ABCC3: variants seen among roughly 807,000 people sequenced by gnomAD.
ABCC3 encodes ATP-binding cassette sub-family C member 3.
Under a neutral mutation model 165.3 loss-of-function variants are expected in ABCC3, and 121 were observed. The observed-to-expected ratio is 0.73, with a 90% confidence interval of 0.63 to 0.85. ABCC3 has a LOEUF of 0.85. ABCC3 is among the 40% of genes least tolerant of loss of function. The pLI, the probability that ABCC3 is intolerant of heterozygous loss-of-function variation, is 0.00. For missense variants in ABCC3, 1,869 were observed against 1,964.1 expected, an observed-to-expected ratio of 0.95 and a Z score of 0.92; for synonymous variants, 733 against 810.1, an observed-to-expected ratio of 0.90 and a Z score of 1.62.
chr17:50,649,510 T>C (rs1227852159), intron 1 of ABCC3, among the ~76,000 whole-genome samples: 1 of 151,730 alleles, frequency 6.6e-6, no homozygotes, highest in Non-Finnish European at 1.5e-5. Flanking sequence ...TTTGTTTACA[T>C]ATTGAATTAT....
At chr17:50,661,352 A>T (rs1442521703) in intron 8 of ABCC3, among the ~76,000 whole-genome samples, 1 of 152,236 alleles carries the variant, frequency 6.6e-6, no homozygotes, top group Non-Finnish European at 1.5e-5. Flanking sequence ...GTACGTTAAC[A>T]AGCATTGGGT....
At position 50,677,940 on chromosome 17, in the gene ABCC3, A is replaced by G. The variant is rs766103116; in HGVS notation, c.3575A>G (p.Asn1192Ser). 1.9e-6 allele frequency: 3 copies of G among 1,613,932 alleles called. No homozygotes were observed. Among genetic ancestry groups the G allele is most frequent in the Admixed American group, 1.7e-5 (1 of 59,980 alleles). Residue 1192 changes from asparagine (N) to serine (S), a missense_variant, in exon 24 of 31, where the codon AAC becomes AGC. Asn to Ser is a conservative substitution (Grantham distance 46). Coordinates refer to ENST00000285238, the MANE Select transcript of ABCC3 (RefSeq NM_003786.4). ...QRSCYPYIIS[N>S]RWLSIGVEFV... ...AGCTGCTACCCCTACATCATCTCCA[A>G]CCGGTCAGAAGCCGCCTCCCTCGCT...
At chr17:50,648,130 A>G (rs1329801316) in intron 1 of ABCC3, among the ~76,000 whole-genome samples, 1 of 151,650 alleles carries the variant, frequency 6.6e-6, no homozygotes, top group Non-Finnish European at 1.5e-5. Flanking sequence ...CTGATTTTCC[A>G]TCAAAGTGAC....
chr17:50,672,362 G>C (rs1407388917), intron 17 of ABCC3, among the ~76,000 whole-genome samples: 2 of 152,210 alleles, frequency 1.3e-5, no homozygotes, highest in Non-Finnish European at 2.9e-5. Context: ...CTCCTTGTAA[G>C]GCTGAATGAT....
intron 1 of ABCC3, among the ~76,000 whole-genome samples, chr17:50,637,086 T>C (rs770593303): frequency 2.0e-5 from 3 of 152,162 alleles, no homozygotes; most frequent in Non-Finnish European, 4.4e-5. Flanking sequence ...GGATGCAGGC[T>C]CAGTGGGAGT....
intron 9 of ABCC3, 21 bp from the exon 10 acceptor site, chr17:50,663,929 C>G (rs1967461448): frequency 1.2e-6 from 2 of 1,614,090 alleles, no homozygotes; most frequent in Admixed American, 3.3e-5. Context: ...GCCAAGTCCA[C>G]CCACTACTGT....
chr17:50,683,924 A>T, intron 27 of ABCC3, 25 bp from the exon 28 acceptor site: 1 of 1,608,790 alleles, frequency 6.2e-7, no homozygotes, highest in Non-Finnish European at 8.5e-7. Flanking sequence ...CTTCCCCCTC[A>T]GAGCCCCTTC....
In ABCC3 at chr17:50,675,677, G is replaced by GT. The variant is rs753106177; in HGVS notation, c.2762dup (p.Pro922ThrfsTer77). ...AGATGGGGAGGGACAGGGTCGGCCT[G>GT]TACCCCGGAGGCACCTGGGTCCATC... On this transcript the variant is annotated frameshift_variant, in exon 21 of 31. Transcript: ENST00000285238. LOFTEE classifies it high-confidence loss of function. 6.4e-7 allele frequency: 1 copy of GT among 1,573,010 alleles called. No homozygotes were observed. The highest frequency in any genetic ancestry group is 1.3e-5 in the African/African-American group (1 of 74,198).
In ABCC3 at chr17:50,656,779, C is replaced by T; in HGVS notation, c.300C>T (p.Ala100=). Residue 100 remains alanine, a synonymous_variant, in exon 3 of 31, where the codon GCC becomes GCT. Transcript: ENST00000285238. ...TCCATGGCCTGGTCCATGGCCGGGCCCCTGCCCCTGTTTTCTTTGTCACCC... is the reference window on the plus strand; with the variant it reads ...TCCATGGCCTGGTCCATGGCCGGGCTCCTGCCCCTGTTTTCTTTGTCACCC... The part of the protein sequence containing the change: ...YSFHGLVHGR[A]PAPVFFVTPL... 1 of 1,613,922 alleles carries T rather than the reference C, an allele frequency of 6.2e-7. No homozygotes were observed. The highest frequency in any genetic ancestry group is 8.5e-7 in the Non-Finnish European group (1 of 1,179,936).
chr17:50,646,499 C>A (rs866693253), intron 1 of ABCC3, among the ~76,000 whole-genome samples: 5 of 152,158 alleles, frequency 3.3e-5, no homozygotes, highest in African/African-American at 1.2e-4. Flanking sequence ...ATAGATGGTA[C>A]ATCATATCAT....
chr17:50,668,775 C>T, intron 14 of ABCC3, 78 bp from the exon 15 acceptor site: 1 of 1,263,846 alleles, frequency 7.9e-7, no homozygotes, highest in South Asian at 1.2e-5. Context: ...TCCTCCTTTC[C>T]CCTGCCCCCC....
intron 30 of ABCC3, among the ~76,000 whole-genome samples, chr17:50,689,375 GTGTGGTGC>G (rs1407496470): frequency 6.6e-6 from 1 of 152,214 alleles, no homozygotes; most frequent in Non-Finnish European, 1.5e-5. Flanking sequence ...AGATGTCAAA[GTGTGGTGC>G]TGGAGGTCGA....
At chr17:50,636,411 T>C (rs1483819897) in intron 1 of ABCC3, among the ~76,000 whole-genome samples, 1 of 152,158 alleles carries the variant, frequency 6.6e-6, no homozygotes, top group Non-Finnish European at 1.5e-5. Flanking sequence ...GATTCTCTCT[T>C]TTTCTGTGGG....
At chr17:50,659,204 C>T (rs768461697) in intron 6 of ABCC3, 33 bp from the exon 7 acceptor site, 49 of 1,610,098 alleles carry the variant, frequency 3.0e-5, no homozygotes, top group Admixed American at 2.0e-4. Context: ...TGACCCTCTG[C>T]GGGGCTGCCT....
Position 50,667,921 on chromosome 17 carries a change from C to A in ABCC3, c.1694C>A (p.Ala565Asp). 6.2e-7 allele frequency: 1 copy of A among 1,614,178 alleles called. No individual in the cohort carries two copies. Among genetic ancestry groups the A allele is most frequent in the Non-Finnish European group, 8.5e-7 (1 of 1,180,020 alleles). Residue 565 changes from alanine to aspartate, a missense_variant, in exon 13 of 31, where the codon GCC becomes GAC. By Grantham distance (126) the Ala-to-Asp change is moderately radical. Coordinates refer to ENST00000285238, the MANE Select transcript of ABCC3 (RefSeq NM_003786.4). ...VYVDPNNVLD[A>D]EKAFVSVSLF... is the part of the protein sequence containing the mutation. ...GTGGACCCAAACAATGTGCTGGACGCCGAGAAGGCCTTTGTGTCTGTGTCC... is the reference window on the plus strand; with the variant it reads ...GTGGACCCAAACAATGTGCTGGACGACGAGAAGGCCTTTGTGTCTGTGTCC...
chr17:50,683,669 G>A lies in ABCC3; in HGVS notation c.3867G>A (p.Val1289=). Residue 1289 remains valine (V), a synonymous_variant, in exon 27 of 31, where the codon GTG becomes GTA. Coordinates refer to ENST00000285238, the MANE Select transcript of ABCC3 (RefSeq NM_003786.4). ...AAGGTTGGCCCCCACGTGGGGAGGT[G>A]GAGTTCCGGAATTATTCTGTGCGCT... ...PPEGWPPRGE[V]EFRNYSVRYR... 6.2e-7 allele frequency: 1 copy of A among 1,603,960 alleles called. No homozygotes were observed. Among genetic ancestry groups the A allele is most frequent in the Non-Finnish European group, 8.5e-7 (1 of 1,175,020 alleles).
Position 50,668,837 on chromosome 17 carries a change from A to G in ABCC3, c.1871-16A>G, listed in dbSNP as rs1433273586. On this transcript the variant is annotated splice_polypyrimidine_tract_variant and intron_variant, in intron 14 of 30. Coordinates refer to ENST00000285238, the MANE Select transcript of ABCC3 (RefSeq NM_003786.4). ...TTGAGCTCCCTCCCTGACCCTGCCCACCTTGGTCCTCTCAGGCTATGCCAT... is the reference window on the plus strand; with the variant it reads ...TTGAGCTCCCTCCCTGACCCTGCCCGCCTTGGTCCTCTCAGGCTATGCCAT... The G allele has an allele frequency of 6.2e-7, 1 of 1,609,208 alleles. No individual in the cohort carries two copies. The highest frequency in any genetic ancestry group is 8.5e-7 in the Non-Finnish European group (1 of 1,178,454).
At chr17:50,637,266 C>A (rs1001813532) in intron 1 of ABCC3, among the ~76,000 whole-genome samples, 2 of 152,144 alleles carry the variant, frequency 1.3e-5, no homozygotes, top group African/African-American at 4.8e-5. Flanking sequence ...GGGGAAGGAG[C>A]GTGGAGAGAG....
Position 50,653,244 on chromosome 17 carries a change from G to T in ABCC3, c.46-2588G>T, listed in dbSNP as rs146692394. 2.7e-3 allele frequency among the ~76,000 whole-genome samples: 402 copies of T among 151,124 alleles called. 5 individuals carry two copies. The highest frequency in any genetic ancestry group is 9.3e-3 in the African/African-American group (380 of 41,036). ...GCCTGTAGTCCAAGCTACTCAGGAG[G>T]CTAAGGCAGGAGAATTGCTTGAAGC... On this transcript the variant is annotated intron_variant, in intron 1 of 30. Transcript: ENST00000285238.
Sources: gnomAD v4.1 joint callset for allele counts (sites outside exome capture counted in the v4.1 genomes callset) on GRCh38, gnomAD v4.1.1 for gene constraint, MANE v1.5 for transcripts, NCBI Gene and HGNC (gene_info 2026-07-23, HGNC 2026-07-21) for gene names.